The following ZNF25 variants were observed in gnomAD, a reference collection of about 807,000 sequenced individuals.
ZNF25 encodes zinc finger protein 25.
Under a neutral mutation model 30.9 loss-of-function variants are expected in ZNF25, and 21 were observed. The ratio of observed to expected loss-of-function variants is 0.68; its 90% CI spans 0.48 to 0.98. ZNF25 has a LOEUF of 0.98. Ranked by LOEUF, ZNF25 falls within the 50% of genes least tolerant of loss-of-function variation. The pLI, the probability that ZNF25 is intolerant of heterozygous loss-of-function variation, is 0.00. For synonymous variants in ZNF25, 169 were observed against 181.3 expected, an observed-to-expected ratio of 0.93 and a Z score of 0.55; for missense variants, 501 against 529.9, an observed-to-expected ratio of 0.95 and a Z score of 0.54.
chr10:37,952,172 A>C lies in ZNF25; in HGVS notation c.1326T>G (p.Thr442=). The C allele has an allele frequency of 6.2e-7, 1 of 1,603,362 alleles. No homozygotes were observed. The highest frequency in any genetic ancestry group is 8.5e-7 in the Non-Finnish European group (1 of 1,175,362). The change falls in exon 6 of 6, where the codon ACT becomes ACG. Residue 442 remains threonine, a synonymous_variant. Transcript: ENST00000302609. Reference sequence around the variant, plus strand: ...TCTTTGTGTGTGTCTTCTGATGTGCAGTGAGTTGTGACTTCTGGATAAAGG... The same window carrying C: ...TCTTTGTGTGTGTCTTCTGATGTGCCGTGAGTTGTGACTTCTGGATAAAGG... The part of the protein sequence containing the change: ...GETFIQKSQL[T]AHQKTHTKKR...
intron 1 of ZNF25, among the ~76,000 whole-genome samples, chr10:37,974,757 C>CTA (rs1385483703): frequency 2.0e-5 from 3 of 151,972 alleles, no homozygotes; most frequent in African/African-American, 4.8e-5. Flanking sequence ...AATCTCACTG[C>CTA]TATATATATA....
intron 2 of ZNF25, among the ~76,000 whole-genome samples, chr10:37,959,461 T>C (rs998590663): frequency 5.9e-5 from 9 of 152,182 alleles, no homozygotes; most frequent in African/African-American, 2.2e-4. Context: ...TAGTGCCAAT[T>C]ATTTTCATTC....
chr10:37,974,156 C>A (rs894619362), intron 1 of ZNF25, among the ~76,000 whole-genome samples: 1 of 152,126 alleles, frequency 6.6e-6, no homozygotes, highest in African/African-American at 2.4e-5. Context: ...AAATGTATGA[C>A]CTGAAACTAT....
chr10:37,956,943 T>C (rs2062566647), intron 4 of ZNF25, 77 bp downstream of exon 4: 1 of 989,196 alleles, frequency 1.0e-6, no homozygotes, highest in Non-Finnish European at 1.5e-6. Flanking sequence ...AAGTGAGAGA[T>C]TGCCGAAAAG....
intron 2 of ZNF25, among the ~76,000 whole-genome samples, chr10:37,960,624 A>AAAAG (rs2062813666): frequency 7.5e-5 from 1 of 13,350 alleles, no homozygotes; most frequent in Admixed American, 5.8e-4. Flanking sequence ...ACTCCATCTC[A>AAAAG]AAAAAAAAAA....
At position 37,952,888 on chromosome 10, in the gene ZNF25, A is replaced by G; in HGVS notation, c.610T>C (p.Cys204Arg). 1 of 1,614,182 alleles carries G rather than the reference A, an allele frequency of 6.2e-7. No homozygotes were observed. The highest frequency in any genetic ancestry group is 8.5e-7 in the Non-Finnish European group (1 of 1,180,012). Residue 204 changes from cysteine (C) to arginine (R), a missense_variant, in exon 6 of 6, where the codon TGT becomes CGT. Cys to Arg is a radical substitution (Grantham distance 180). Coordinates refer to ENST00000302609, the MANE Select transcript of ZNF25 (RefSeq NM_145011.4). ...RTHAGEKPYECNQCEKSFYQK... is the reference protein window; with the variant it reads ...RTHAGEKPYERNQCEKSFYQK... ...TAGAAGGATTTTTCACACTGATTACATTCATAGGGTTTCTCTCCTGCATGG... is the reference window on the plus strand; with the variant it reads ...TAGAAGGATTTTTCACACTGATTACGTTCATAGGGTTTCTCTCCTGCATGG...
intron 2 of ZNF25, among the ~76,000 whole-genome samples, chr10:37,967,074 A>G (rs1321921010): frequency 6.6e-6 from 1 of 152,210 alleles, no homozygotes; most frequent in Non-Finnish European, 1.5e-5. Context: ...ATGAGATGGC[A>G]TCCTGTATTC....
At chr10:37,975,839 G>A (rs2135477558) in intron 1 of ZNF25, among the ~76,000 whole-genome samples, 1 of 152,316 alleles carries the variant, frequency 6.6e-6, no homozygotes, top group African/African-American at 2.4e-5. Context: ...GGCAAATGCT[G>A]TGCTAAATAC....
Position 37,952,023 on chromosome 10 carries a change from T to C in ZNF25, c.*104A>G. 9.2e-7 allele frequency: 1 copy of C among 1,081,578 alleles called. No individual in the cohort carries two copies. 67.0% of individuals were successfully genotyped at this position (1,081,578 alleles called of 1,614,324 possible). A position where few individuals can be genotyped will look rare whatever the true frequency, so the allele number is the denominator to read the frequency against. ...ACACAGAGAGAGCAAAGATTGTAGCTGAAAATTTCCCTCTATTGATGCGAT... is the reference window on the plus strand; with the variant it reads ...ACACAGAGAGAGCAAAGATTGTAGCCGAAAATTTCCCTCTATTGATGCGAT... On this transcript the variant is annotated 3_prime_UTR_variant, in exon 6 of 6. Coordinates refer to ENST00000302609, the MANE Select transcript of ZNF25 (RefSeq NM_145011.4).
intron 2 of ZNF25, among the ~76,000 whole-genome samples, chr10:37,962,097 A>G (rs1257373453): frequency 2.0e-5 from 3 of 151,568 alleles, no homozygotes; most frequent in Non-Finnish European, 2.9e-5. Flanking sequence ...TTAGCAGGGC[A>G]TGGTGGTAGG....
intron 1 of ZNF25, among the ~76,000 whole-genome samples, chr10:37,972,888 C>A (rs2063571060): frequency 1.3e-5 from 2 of 152,144 alleles, no homozygotes; most frequent in Non-Finnish European, 2.9e-5. Flanking sequence ...CAGTAGCAGG[C>A]CAGGCACGGT....
Position 37,953,000 on chromosome 10 carries a change from T to C in ZNF25, c.498A>G (p.Lys166=), listed in dbSNP as rs2062261141. 6.2e-7 allele frequency: 1 copy of C among 1,614,036 alleles called. No individual in the cohort carries two copies. The highest frequency in any genetic ancestry group is 1.3e-5 in the African/African-American group (1 of 75,048). ...CATAGGTTTTATCTCTCGTGTGAAT[T>C]TTCTGATGTCTTATGAGGTCTTCAT... is the stretch of plus-strand genomic sequence containing the variant. ...SKNEDLIRHQ[K]IHTRDKTYEC... is the part of the protein sequence containing the mutation. Residue 166 remains lysine, a synonymous_variant, in exon 6 of 6, where the codon AAA becomes AAG. Coordinates refer to ENST00000302609, the MANE Select transcript of ZNF25 (RefSeq NM_145011.4).
intron 1 of ZNF25, among the ~76,000 whole-genome samples, chr10:37,975,392 A>AG (rs1485879591): frequency 2.6e-5 from 4 of 151,776 alleles, no homozygotes; most frequent in African/African-American, 9.7e-5. Context: ...TGTACCAAAA[A>AG]AAAAAACTAA....
At chr10:37,956,916 A>AG in intron 4 of ZNF25, 104 bp downstream of exon 4, 1 of 145,312 alleles carries the variant, frequency 6.9e-6, no homozygotes, top group South Asian at 1.3e-4. Context: ...ACTCTGTTTC[A>AG]AAAAAAAAAA....
rs759397610 is a variant in ZNF25 at position 37,953,751 on chromosome 10, T to C, written c.246A>G (p.Leu82=). The C allele has an allele frequency of 7.7e-5, 125 of 1,613,850 alleles. No individual in the cohort carries two copies. The highest frequency in any genetic ancestry group is 1.0e-4 in the Non-Finnish European group (119 of 1,179,784). The change falls in exon 5 of 6, where the codon CTA becomes CTG. Residue 82 remains leucine, a synonymous_variant. Coordinates refer to ENST00000302609, the MANE Select transcript of ZNF25 (RefSeq NM_145011.4). ...TTGCTTCTAGATCATGAATGCTCCA[T>C]AGGTCTTCTACAAGGGAACCAAAAA... ...EFPHRGFPED[L]WSIHDLEARY... is the part of the protein sequence containing the mutation.
rs574459598 is a variant in ZNF25 at position 37,961,541 on chromosome 10, A to G, written c.16-3995T>C. Among the ~76,000 whole-genome samples, 23 of 152,328 alleles carry G rather than the reference A, an allele frequency of 1.5e-4. No individual in the cohort carries two copies. In the South Asian group the frequency reaches 4.1e-3, roughly 27 times the overall value. ...TCATAAATACAAAAATGTTAAAAGC[A>G]TACAAACGATGCACCATATTTGCAA... On this transcript the variant is annotated intron_variant, in intron 2 of 5. Coordinates refer to ENST00000302609, the MANE Select transcript of ZNF25 (RefSeq NM_145011.4).
intron 3 of ZNF25, 34 bp from the exon 4 acceptor site, chr10:37,957,149 A>C (rs761745694): frequency 6.3e-7 from 1 of 1,581,696 alleles, no homozygotes; most frequent in South Asian, 1.1e-5. Flanking sequence ...AATGATACAA[A>C]TTGCTTGGAA....
chr10:37,976,331 G>A (rs1444291298), intron 1 of ZNF25, among the ~76,000 whole-genome samples, 175 bp downstream of exon 1: 2 of 152,188 alleles, frequency 1.3e-5, no homozygotes, highest in East Asian at 3.9e-4. Context: ...CGCCCCTCAA[G>A]CAGGTCGCGC....
In ZNF25 at chr10:37,976,627, C is replaced by G. The variant is rs957752278; in HGVS notation, c.-207G>C. On this transcript the variant is annotated 5_prime_UTR_variant, in exon 1 of 6. Transcript: ENST00000302609. ...ACCCTAGGGCGTAAGACCAAAAAAA[C>G]GCCAATGCCAGAAAGAAGACACTGC... The G allele has an allele frequency of 1.3e-5, 2 of 152,428 alleles. No homozygotes were observed. Among genetic ancestry groups the G allele is most frequent in the African/African-American group, 4.8e-5 (2 of 41,478 alleles). 9.4% of individuals were successfully genotyped at this position (152,428 alleles called of 1,614,324 possible). A position where few individuals can be genotyped will look rare whatever the true frequency, so the allele number is the denominator to read the frequency against.
Sources: gnomAD v4.1 joint callset for allele counts (sites outside exome capture counted in the v4.1 genomes callset) on GRCh38, gnomAD v4.1.1 for gene constraint, MANE v1.5 for transcripts, NCBI Gene and HGNC (gene_info 2026-07-23, HGNC 2026-07-21) for gene names.